TBC1D2B: variants seen among roughly 807,000 people sequenced by gnomAD.
TBC1D2B encodes TBC1 domain family, member 2B.
A neutral mutation model predicts 100.8 loss-of-function variants in TBC1D2B; 64 were observed. The ratio of observed to expected loss-of-function variants is 0.64; its 90% CI spans 0.52 to 0.78. The LOEUF is 0.78. Among genes scored for constraint, TBC1D2B ranks in the 30% least tolerant of loss-of-function variants. The probability of loss-of-function intolerance (pLI) is 0.00; values close to 1 mark genes in which losing one functional copy is unlikely to be tolerated. For missense variants in TBC1D2B, 1,052 were observed against 1,218.4 expected, an observed-to-expected ratio of 0.86 and a Z score of 2.03; for synonymous variants, 480 against 479.7, an observed-to-expected ratio of 1.00 and a Z score of -0.01.
In TBC1D2B at chr15:78,003,304, C is replaced by T. The variant is rs1300920402; in HGVS notation, c.2574+1G>A. 3.7e-6 allele frequency: 6 copies of T among 1,612,768 alleles called. No homozygotes were observed. The highest frequency in any genetic ancestry group is 5.1e-6 in the Non-Finnish European group (6 of 1,179,094). ...AAAATAGCTGAGCTGAGCTAACTCACCTTTGGTCCTTCATAAAGGAAAGAG... is the reference window on the plus strand; with the variant it reads ...AAAATAGCTGAGCTGAGCTAACTCATCTTTGGTCCTTCATAAAGGAAAGAG... On this transcript the variant is annotated splice_donor_variant, in intron 11 of 12. Coordinates refer to ENST00000300584, the MANE Select transcript of TBC1D2B (RefSeq NM_144572.2). LOFTEE classifies it high-confidence loss of function.
intron 9 of TBC1D2B, among the ~76,000 whole-genome samples, chr15:78,012,303 TGA>T (rs1254490204): frequency 6.6e-6 from 1 of 152,256 alleles, no homozygotes; most frequent in Admixed American, 6.5e-5. Flanking sequence ...CCAGAAAACA[TGA>T]GAGGCTTTTC....
intron 1 of TBC1D2B, among the ~76,000 whole-genome samples, chr15:78,062,201 A>G (rs2073561379): frequency 6.6e-6 from 1 of 152,214 alleles, no homozygotes; most frequent in African/African-American, 2.4e-5. Flanking sequence ...AGCACAAGAA[A>G]CTGCTGTCCT....
In TBC1D2B at chr15:78,012,813, GTGCACCCACC is replaced by G; in HGVS notation, c.2270_2270+9del. ...ATGGCAAATGGGAACATTTTGTGCT[GTGCACCCACC>G]TGTTTAGGCCTTGACAGTAGCCGAT... On this transcript the variant is annotated splice_donor_variant and splice_donor_5th_base_variant and coding_sequence_variant and intron_variant, in exon 9 of 13. Coordinates refer to ENST00000300584, the MANE Select transcript of TBC1D2B (RefSeq NM_144572.2). LOFTEE classifies it high-confidence loss of function. 6.7e-7 allele frequency: 1 copy of G among 1,486,196 alleles called. No individual in the cohort carries two copies. The allele number at this position is 1,486,196 out of a possible 1,614,324, so 92.1% of individuals were successfully genotyped here.
chr15:78,057,600 G>A (rs766874073), intron 1 of TBC1D2B, among the ~76,000 whole-genome samples: 3 of 152,024 alleles, frequency 2.0e-5, no homozygotes, highest in Non-Finnish European at 4.4e-5. Flanking sequence ...GAGCCGACAC[G>A]GTGCCACTGC....
intron 4 of TBC1D2B, among the ~76,000 whole-genome samples, chr15:78,026,356 T>A (rs1324798151): frequency 6.6e-6 from 1 of 152,076 alleles, no homozygotes; most frequent in African/African-American, 2.4e-5. Context: ...AGGTTTGCAA[T>A]AAAAACAAGT....
At chr15:78,025,238 G>A (rs946886577) in intron 5 of TBC1D2B, 21 bp downstream of exon 5, 6 of 1,601,234 alleles carry the variant, frequency 3.7e-6, no homozygotes, top group Non-Finnish European at 5.1e-6. Flanking sequence ...GGGTAAGACA[G>A]AAGCCAGAAG....
At chr15:78,028,683 A>C (rs2072733497) in intron 4 of TBC1D2B, among the ~76,000 whole-genome samples, 1 of 152,236 alleles carries the variant, frequency 6.6e-6, no homozygotes, top group African/African-American at 2.4e-5. Context: ...ATTCCTGTCG[A>C]ATCAGAAGTC....
chr15:78,034,218 TAAAAATTATAA>T (rs2072888953), intron 3 of TBC1D2B, among the ~76,000 whole-genome samples: 1 of 152,228 alleles, frequency 6.6e-6, no homozygotes, highest in South Asian at 2.1e-4. Flanking sequence ...TCTGATTTTA[TAAAAATTATAA>T]AATTGTAGAG....
intron 11 of TBC1D2B, chr15:78,002,494 T>C (rs1182532409): frequency 6.6e-6 from 1 of 151,962 alleles, no homozygotes; most frequent in African/African-American, 2.4e-5. Context: ...TCTTTTTTTT[T>C]TTTTTAATTT....
intron 6 of TBC1D2B, among the ~76,000 whole-genome samples, chr15:78,020,281 A>G (rs1408312658): frequency 1.3e-5 from 2 of 152,246 alleles, no homozygotes; most frequent in East Asian, 3.8e-4. Context: ...AGCACTCAAC[A>G]GTGATGGATA....
chr15:78,012,150 C>T (rs1027188443), intron 9 of TBC1D2B, among the ~76,000 whole-genome samples: 8 of 152,330 alleles, frequency 5.3e-5, no homozygotes, highest in Admixed American at 2.0e-4. Flanking sequence ...GCAAGGACAG[C>T]AGTAAGCAGA....
Position 78,044,893 on chromosome 15 carries a change from G to C in TBC1D2B, c.683+7C>G, listed in dbSNP as rs1203145117. 3.1e-6 allele frequency: 5 copies of C among 1,592,422 alleles called. No homozygotes were observed. Among genetic ancestry groups the C allele is most frequent in the Non-Finnish European group, 4.3e-6 (5 of 1,166,814 alleles). On this transcript the variant is annotated splice_region_variant and intron_variant, in intron 3 of 12. Transcript: ENST00000300584. ...TCAATTTCATATGCTGCTTTCTAAA[G>C]ACTCACTTGAGCTCATTGCCCCACT...
In TBC1D2B at chr15:78,004,487, C is replaced by T. The variant is rs1031597585; in HGVS notation, c.2389-997G>A. 7.2e-5 allele frequency among the ~76,000 whole-genome samples: 11 copies of T among 152,362 alleles called. No homozygotes were observed. The East Asian group carries it at 9.6e-4, about 13-fold the overall frequency. ...CCTGCGTCACACTGAGGAGTCAAGA[C>T]GCTATCCTGTCAGCCAGGGGCTTTC... On this transcript the variant is annotated intron_variant, in intron 10 of 12. Coordinates refer to ENST00000300584, the MANE Select transcript of TBC1D2B (RefSeq NM_144572.2).
intron 3 of TBC1D2B, among the ~76,000 whole-genome samples, chr15:78,041,927 G>A (rs2073101049): frequency 6.6e-6 from 1 of 152,184 alleles, no homozygotes. Flanking sequence ...TCAATCTCAT[G>A]ATGTATGATT....
At position 78,012,997 on chromosome 15, in the gene TBC1D2B, G is replaced by A. The variant is rs150768376; in HGVS notation, c.2096C>T (p.Ala699Val). The change falls in exon 9 of 13, where the codon GCG becomes GTG. Residue 699 changes from alanine to valine, a missense_variant. By Grantham distance (64) the Ala-to-Val change is moderately conservative. Around this residue, in one of 4 missense-constraint regions of TBC1D2B, gnomAD observed 373 missense variants for 464.9 expected, o/e 0.80. Transcript: ENST00000300584. ...GGAGGCTGGGTTCTGTTTCTCCAGC[G>A]CCTTCTGCAGCAAGGTCTGGAAGTG... ...PGHFQTLLQK[A>V]LEKQNPASKQ... The A allele has an allele frequency of 7.5e-6, 12 of 1,601,708 alleles. No homozygotes were observed. Among genetic ancestry groups the A allele is most frequent in the African/African-American group, 5.4e-5 (4 of 74,618 alleles).
intron 3 of TBC1D2B, among the ~76,000 whole-genome samples, chr15:78,041,387 G>T (rs367666073): frequency 6.6e-6 from 1 of 152,368 alleles, no homozygotes; most frequent in East Asian, 1.9e-4. Context: ...GTGCCCTGAA[G>T]TGGCCCATTT....
rs1262113830 is a variant in TBC1D2B at position 78,077,486 on chromosome 15, C to A, written c.167G>T (p.Arg56Leu). Residue 56 changes from arginine to leucine, a missense_variant, in exon 1 of 13, where the codon CGC (arginine) becomes CTC (leucine). By Grantham distance (102) the Arg-to-Leu change is moderately radical. This residue lies in a region of TBC1D2B where 627 missense variants were observed against 646.1 expected (regional missense o/e 0.97). Transcript: ENST00000300584. The part of the protein sequence containing the change: ...GKGPLRGYRS[R>L]WFVFDARRCY... ...GCGGCGCGCGTCGAACACGAACCAG[C>A]GGCTGCGGTAGCCACGCAGGGGGCC... 6 of 1,533,004 alleles carry A rather than the reference C, an allele frequency of 3.9e-6. No homozygotes were observed. The highest frequency in any genetic ancestry group is 1.4e-5 in the African/African-American group (1 of 70,424). 95.0% of individuals were successfully genotyped at this position (1,533,004 alleles called of 1,614,324 possible). A position where few individuals can be genotyped will look rare whatever the true frequency, so the allele number is the denominator to read the frequency against.
intron 4 of TBC1D2B, among the ~76,000 whole-genome samples, chr15:78,028,920 TA>T (rs1313683433): frequency 6.6e-6 from 1 of 152,174 alleles, no homozygotes; most frequent in African/African-American, 2.4e-5. Flanking sequence ...AGACATCAAT[TA>T]AATACAATGT....
At chr15:78,008,050 G>A (rs528277774) in intron 10 of TBC1D2B, among the ~76,000 whole-genome samples, 1 of 152,356 alleles carries the variant, frequency 6.6e-6, no homozygotes, top group Non-Finnish European at 1.5e-5. Flanking sequence ...GACAGGGCAG[G>A]CACACACGGG....
Sources: allele counts gnomAD v4.1 joint callset (sites outside exome capture counted in the v4.1 genomes callset), GRCh38; gene constraint gnomAD v4.1.1; regional missense constraint gnomAD v4.1.1; transcripts MANE v1.5; gene names NCBI Gene and HGNC (gene_info 2026-07-23, HGNC 2026-07-21).